NCAM1: variants seen among roughly 807,000 people sequenced by gnomAD.
NCAM1 encodes neural cell adhesion molecule 1, also known as antigen recognized by monoclonal antibody 5.1H11.
A neutral mutation model predicts 109.8 loss-of-function variants in NCAM1; 14 were observed. The ratio of observed to expected loss-of-function variants is 0.13; its 90% CI spans 0.08 to 0.20. NCAM1 has a LOEUF of 0.20. NCAM1 is among the 10% of genes least tolerant of loss of function. The pLI is 1.00. For missense variants in NCAM1, 774 were observed against 1,109.9 expected (o/e 0.70, Z 4.30); for synonymous variants, 418 against 442.9 (o/e 0.94, Z 0.70).
intron 1 of NCAM1, among the ~76,000 whole-genome samples, chr11:113,048,270 A>G (rs1469725068): frequency 6.6e-6 from 1 of 152,176 alleles, no homozygotes; most frequent in Non-Finnish European, 1.5e-5. Flanking sequence ...AACGTTGAAA[A>G]CTTTTAAAAC....
chr11:113,197,197 C>A (rs947751425), intron 1 of NCAM1: 2 of 267,550 alleles, frequency 7.5e-6, no homozygotes, highest in Non-Finnish European at 8.1e-6. Flanking sequence ...ATGGGAATTA[C>A]AATTCGTGAT....
chr11:113,226,649 A>G (rs1944856446), intron 9 of NCAM1, among the ~76,000 whole-genome samples: 2 of 152,342 alleles, frequency 1.3e-5, no homozygotes, highest in Middle Eastern at 3.4e-3. Flanking sequence ...ACCACACCGC[A>G]CTTGTTCCAA....
intron 17 of NCAM1, chr11:113,263,093 G>C: frequency 7.4e-7 from 1 of 1,358,162 alleles, no homozygotes; most frequent in Non-Finnish European, 9.5e-7. Context: ...CTCCAGACAT[G>C]TCACCACTCA....
chr11:113,254,715 C>T (rs1345741663), intron 15 of NCAM1, among the ~76,000 whole-genome samples: 5 of 152,148 alleles, frequency 3.3e-5, no homozygotes, highest in South Asian at 4.2e-4. Flanking sequence ...TTCTGTCACA[C>T]GTCTGTGATT....
At chr11:113,235,790 T>G (rs1024166324) in intron 14 of NCAM1, among the ~76,000 whole-genome samples, 6 of 152,094 alleles carry the variant, frequency 3.9e-5, no homozygotes, top group African/African-American at 1.4e-4. Context: ...CAGGGATGTA[T>G]CTCTAGGTTT....
chr11:113,004,963 G>T (rs1951856653), intron 1 of NCAM1, among the ~76,000 whole-genome samples: 1 of 151,794 alleles, frequency 6.6e-6, no homozygotes, highest in South Asian at 2.1e-4. Flanking sequence ...AATTTGAAGG[G>T]ATGTCTTTCA....
intron 1 of NCAM1, among the ~76,000 whole-genome samples, chr11:113,016,036 T>C (rs1952198282): frequency 6.6e-6 from 1 of 152,186 alleles, no homozygotes; most frequent in South Asian, 2.1e-4. Flanking sequence ...ATTAAATATT[T>C]GACTAAGTTG....
At chr11:113,150,519 C>T (rs1299992413) in intron 1 of NCAM1, among the ~76,000 whole-genome samples, 2 of 152,180 alleles carry the variant, frequency 1.3e-5, no homozygotes, top group Admixed American at 6.6e-5. Context: ...CTTTATTAAG[C>T]ATCTTTCATT....
At chr11:113,039,806 A>G (rs528580974) in intron 1 of NCAM1, among the ~76,000 whole-genome samples, 25 of 152,332 alleles carry the variant, frequency 1.6e-4, no homozygotes, top group Non-Finnish European at 3.1e-4. Context: ...GTTCAACTCA[A>G]TATATCAAAA....
At position 113,233,836 on chromosome 11, in the gene NCAM1, C is replaced by T. The variant is rs1464091972; in HGVS notation, c.1693+519C>T. 8.5e-5 allele frequency among the ~76,000 whole-genome samples: 13 copies of T among 152,152 alleles called. No homozygotes were observed. Among genetic ancestry groups the T allele is most frequent in the African/African-American group, 3.1e-4 (13 of 41,424 alleles). ...CCAAGCTAAAGATTAAAAGACTGAC[C>T]CTTGGATTACTGCAGTGTGAAGATT... is the stretch of plus-strand genomic sequence containing the variant. On this transcript the variant is annotated intron_variant, in intron 13 of 19. Transcript: ENST00000316851. This position sits in a 1 kb window ranked among gnomAD's most constrained non-coding sequence, Gnocchi z 4.5.
chr11:113,185,079 T>TATATATATAGAGAGAGAGAG lies in NCAM1; in HGVS notation c.53-17299_53-17298insTATATATAGAGAGAGAGAGA. On this transcript the variant is annotated intron_variant, in intron 1 of 19. Coordinates refer to ENST00000316851, the MANE Select transcript of NCAM1 (RefSeq NM_181351.5). ...GTGTGCATTTATATTTATATATATATAGAGAGAGAGAGAGAGAGAGAGAGA... is the reference window on the plus strand; with the variant it reads ...GTGTGCATTTATATTTATATATATATATATATATAGAGAGAGAGAGAGAGAGAGAGAGAGAGAGAGAGAGA... Among the ~76,000 whole-genome samples the TATATATATAGAGAGAGAGAG allele has an allele frequency of 2.1e-4, 26 of 125,742 alleles. No individual in the cohort carries two copies. The East Asian group carries it at 3.2e-3, about 15-fold the overall frequency. The allele number at this position is 125,742 out of a possible 152,430, so 82.5% of individuals were successfully genotyped here.
At chr11:113,028,081 G>A (rs932374226) in intron 1 of NCAM1, among the ~76,000 whole-genome samples, 3 of 152,096 alleles carry the variant, frequency 2.0e-5, no homozygotes, top group Non-Finnish European at 4.4e-5. Flanking sequence ...AGGTTGGTCC[G>A]CTTATATAGG....
intron 1 of NCAM1, among the ~76,000 whole-genome samples, chr11:113,006,235 T>A (rs554366842): frequency 6.6e-6 from 1 of 152,308 alleles, no homozygotes; most frequent in African/African-American, 2.4e-5. Flanking sequence ...CTGCACATAA[T>A]TAAACTCATA....
chr11:113,061,650 C>T (rs781813548), intron 1 of NCAM1, among the ~76,000 whole-genome samples: 4 of 152,200 alleles, frequency 2.6e-5, no homozygotes, highest in Non-Finnish European at 5.9e-5. Context: ...GGGACAAATA[C>T]GTGGAACTCA....
chr11:113,211,114 A>G (rs72995507), intron 7 of NCAM1, among the ~76,000 whole-genome samples: 82 of 152,224 alleles, frequency 5.4e-4, no homozygotes, highest in Non-Finnish European at 9.9e-4. Context: ...GGAAACTGAT[A>G]TAGGGTTAGG....
chr11:113,013,199 G>T (rs1290507478), intron 1 of NCAM1, among the ~76,000 whole-genome samples: 1 of 145,946 alleles, frequency 6.9e-6, no homozygotes, highest in African/African-American at 2.4e-5. Context: ...GGCTGAGGCG[G>T]GTGGATCACC....
chr11:113,160,625 G>T (rs1254809983), intron 1 of NCAM1, among the ~76,000 whole-genome samples: 1 of 152,144 alleles, frequency 6.6e-6, no homozygotes, highest in African/African-American at 2.4e-5. Flanking sequence ...AACCCACTTG[G>T]CATTCGGCAC....
rs11277712 is a variant in NCAM1 at position 113,233,475 on chromosome 11, CCACCCCAA to C, written c.1693+160_1693+167del. Reference sequence around the variant, plus strand: ...GCCTGTAGAGTTGTTGCCCCTATTGCCACCCCAACCCATGCTCTGTGCTTCAGAGCCTG... The same window carrying C: ...GCCTGTAGAGTTGTTGCCCCTATTGCCCCATGCTCTGTGCTTCAGAGCCTG... On this transcript the variant is annotated intron_variant, in intron 13 of 19. Coordinates refer to ENST00000316851, the MANE Select transcript of NCAM1 (RefSeq NM_181351.5). This position sits in a 1 kb window ranked among gnomAD's most constrained non-coding sequence, Gnocchi z 4.5. Among the ~76,000 whole-genome samples, 26,587 of 151,986 alleles carry C rather than the reference CCACCCCAA, an allele frequency of 0.17. 4,059 individuals carry two copies. The highest frequency in any genetic ancestry group is 0.42 in the African/African-American group (17,303 of 41,324).
intron 1 of NCAM1, among the ~76,000 whole-genome samples, chr11:113,100,301 T>C (rs1555091271): frequency 6.6e-6 from 1 of 152,132 alleles, no homozygotes; most frequent in Non-Finnish European, 1.5e-5. Flanking sequence ...GGGTGAGCAC[T>C]TTTGGGCTCT....
Sources: gnomAD v4.1 joint callset for allele counts (sites outside exome capture counted in the v4.1 genomes callset) on GRCh38, gnomAD v4.1.1 for gene constraint, Gnocchi (gnomAD v3.1) non-coding constraint, MANE v1.5 for transcripts, NCBI Gene and HGNC (gene_info 2026-07-23, HGNC 2026-07-21) for gene names.